The following KIAA1328 variants were observed in gnomAD, a reference collection of about 807,000 sequenced individuals.
The protein encoded by KIAA1328 is KIAA1328.
A neutral mutation model predicts 68.1 loss-of-function variants in KIAA1328; 52 were observed. The ratio of observed to expected loss-of-function variants is 0.76; its 90% CI spans 0.61 to 0.96. The LOEUF is 0.96. Among genes scored for constraint, KIAA1328 ranks in the 40% least tolerant of loss-of-function variants. The probability of loss-of-function intolerance (pLI) is 0.00; values close to 1 mark genes in which losing one functional copy is unlikely to be tolerated. For synonymous variants in KIAA1328, 232 were observed against 239.4 expected (o/e 0.97, Z 0.28); for missense variants, 641 against 677.6 (o/e 0.95, Z 0.60).
intron 7 of KIAA1328, among the ~76,000 whole-genome samples, chr18:37,069,591 G>A (rs914264039): frequency 3.9e-5 from 6 of 152,132 alleles, no homozygotes; most frequent in East Asian, 1.9e-4. Context: ...TAGAATTGGT[G>A]TTAATTCTTC....
intron 4 of KIAA1328, among the ~76,000 whole-genome samples, chr18:36,868,819 G>T (rs1331700166): frequency 6.6e-5 from 10 of 152,112 alleles, no homozygotes; most frequent in African/African-American, 2.4e-4. Context: ...ATTTTTCCCA[G>T]AGGACAGTTT....
At position 36,929,597 on chromosome 18, in the gene KIAA1328, T is replaced by G. The variant is rs140286672; in HGVS notation, c.449-29711T>G. Among the ~76,000 whole-genome samples, 23 of 152,158 alleles carry G rather than the reference T, an allele frequency of 1.5e-4. No homozygotes were observed. In the East Asian group the frequency reaches 4.4e-3, roughly 29 times the overall value. Reference sequence around the variant, plus strand: ...TATTAGTGTCCCCCTAAATTTCATATTTTGGAATCTTATCCCCCATTGTTT... The same window carrying G: ...TATTAGTGTCCCCCTAAATTTCATAGTTTGGAATCTTATCCCCCATTGTTT... On this transcript the variant is annotated intron_variant, in intron 5 of 9. Coordinates refer to ENST00000280020, the MANE Select transcript of KIAA1328 (RefSeq NM_020776.3).
rs553967675 is a variant in KIAA1328, at chr18:36,829,168, C to T, written c.30C>T (p.Pro10=). The change falls in exon 1 of 10, where the codon CCC becomes CCT. Residue 10 remains proline, a synonymous_variant. Transcript: ENST00000280020. MADVAGPSR[P]SAAAFWSRDF... is the part of the protein sequence containing the mutation. ...CGGACGTGGCGGGCCCCTCCCGCCC[C>T]AGTGCCGCGGCGTTCTGGAGCCGGG... 2.0e-5 allele frequency: 30 copies of T among 1,533,968 alleles called. No homozygotes were observed. Among genetic ancestry groups the T allele is most frequent in the Middle Eastern group, 3.6e-4 (2 of 5,626 alleles).
At chr18:37,092,914 A>T (rs887592439) in intron 7 of KIAA1328, among the ~76,000 whole-genome samples, 1 of 152,178 alleles carries the variant, frequency 6.6e-6, no homozygotes, top group Non-Finnish European at 1.5e-5. Flanking sequence ...TGCCACTCTC[A>T]GTGCCTGAAT....
chr18:37,075,772 A>G (rs1346784941), intron 7 of KIAA1328: 2 of 152,238 alleles, frequency 1.3e-5, no homozygotes, highest in African/African-American at 2.4e-5. Context: ...CAATTCAACA[A>G]GAAGAGCTAA....
chr18:37,050,476 G>A lies in KIAA1328; in HGVS notation c.577-16414G>A, dbSNP rs545484482. The stretch of plus-strand genomic sequence containing the variant: ...ATTAAATAATTCAAACTAGCATTAT[G>A]CTTTTCTTTCTCATATACATTTAGA... On this transcript the variant is annotated intron_variant, in intron 6 of 9. Transcript: ENST00000280020. Among the ~76,000 whole-genome samples the A allele has an allele frequency of 3.3e-5, 5 of 151,976 alleles. No homozygotes were observed. In the South Asian group the frequency reaches 1.0e-3, roughly 32 times the overall value.
intron 7 of KIAA1328, among the ~76,000 whole-genome samples, chr18:37,122,332 T>C (rs1453299547): frequency 6.6e-6 from 1 of 151,856 alleles, no homozygotes; most frequent in East Asian, 1.9e-4. Flanking sequence ...GGGCTTTGGA[T>C]TGAGTGGGAG....
chr18:37,017,111 CT>C (rs1380673064), intron 6 of KIAA1328, among the ~76,000 whole-genome samples: 1 of 152,020 alleles, frequency 6.6e-6, no homozygotes, highest in Non-Finnish European at 1.5e-5. Context: ...CGACTTTAAA[CT>C]TTTCTCTTAA....
intron 6 of KIAA1328, among the ~76,000 whole-genome samples, chr18:37,023,162 C>G (rs1034649893): frequency 2.0e-5 from 3 of 152,192 alleles, no homozygotes; most frequent in Admixed American, 2.0e-4. Context: ...TCCCCAAGTG[C>G]TGGGATTACA....
intron 4 of KIAA1328, among the ~76,000 whole-genome samples, chr18:36,859,827 C>T (rs1367487641): frequency 6.8e-6 from 1 of 146,306 alleles, no homozygotes; most frequent in African/African-American, 2.5e-5. Flanking sequence ...TGAATTTATT[C>T]TATCTTTACT....
At chr18:36,939,595 C>T (rs1270787217) in intron 5 of KIAA1328, among the ~76,000 whole-genome samples, 2 of 151,870 alleles carry the variant, frequency 1.3e-5, no homozygotes, top group African/African-American at 4.8e-5. Flanking sequence ...TTTTTCTTGT[C>T]TAATTGCTCT....
chr18:37,090,772 A>C (rs1020212683), intron 7 of KIAA1328, among the ~76,000 whole-genome samples: 4 of 152,202 alleles, frequency 2.6e-5, no homozygotes, highest in African/African-American at 9.6e-5. Flanking sequence ...AATTATTTAA[A>C]TTTAGGTCAT....
Position 37,092,183 on chromosome 18 carries a change from GC to G in KIAA1328, c.1232+24641del, listed in dbSNP as rs1364202118. Among the ~76,000 whole-genome samples the G allele has an allele frequency of 5.3e-5, 8 of 152,116 alleles. No individual in the cohort carries two copies. In the East Asian group the frequency reaches 1.6e-3, roughly 30 times the overall value. On this transcript the variant is annotated intron_variant, in intron 7 of 9. Transcript: ENST00000280020. Reference sequence around the variant, plus strand: ...GCTGGCACACGTGCATTCTTTAGGGGCCCGGGGATTAATTCACCCTGCTCCC... The same window carrying G: ...GCTGGCACACGTGCATTCTTTAGGGGCCGGGGATTAATTCACCCTGCTCCC...
At chr18:36,924,169 G>A (rs1048565624) in intron 5 of KIAA1328, among the ~76,000 whole-genome samples, 14 of 152,052 alleles carry the variant, frequency 9.2e-5, no homozygotes, top group African/African-American at 3.4e-4. Context: ...ATGCTGGTGA[G>A]TTGATCTGAT....
At chr18:37,082,519 C>A (rs933285183) in intron 7 of KIAA1328, among the ~76,000 whole-genome samples, 2 of 152,152 alleles carry the variant, frequency 1.3e-5, no homozygotes, top group Admixed American at 6.5e-5. Flanking sequence ...ATCTGCTATA[C>A]ACAAGCTGTT....
intron 9 of KIAA1328, among the ~76,000 whole-genome samples, chr18:37,202,139 AT>A (rs35212774): frequency 6.6e-6 from 1 of 151,236 alleles, no homozygotes; most frequent in Non-Finnish European, 1.5e-5. Context: ...AAATGCTTCC[AT>A]TTTTTTTTAA....
intron 6 of KIAA1328, among the ~76,000 whole-genome samples, chr18:37,064,460 T>C (rs1407250971): frequency 6.6e-6 from 1 of 152,122 alleles, no homozygotes; most frequent in Admixed American, 6.6e-5. Context: ...ATTTGTTTTA[T>C]GTCTGTGGAG....
At chr18:37,101,510 G>A (rs1010080734) in intron 7 of KIAA1328, among the ~76,000 whole-genome samples, 4 of 152,194 alleles carry the variant, frequency 2.6e-5, no homozygotes, top group African/African-American at 9.7e-5. Flanking sequence ...AGAAATATGG[G>A]ACTATGTGAA....
At chr18:36,829,490 T>C (rs748747442) in intron 1 of KIAA1328, 1 of 1,185,704 alleles carries the variant, frequency 8.4e-7, no homozygotes, top group Non-Finnish European at 1.0e-6. Context: ...AGGGCTGAGA[T>C]GGCCCTCCGA....
Sources: allele counts gnomAD v4.1 joint callset (sites outside exome capture counted in the v4.1 genomes callset), GRCh38; gene constraint gnomAD v4.1.1; transcripts MANE v1.5; gene names NCBI Gene and HGNC (gene_info 2026-07-23, HGNC 2026-07-21).